TDRD10: variants seen among roughly 807,000 people sequenced by gnomAD.
TDRD10 encodes the protein tudor domain-containing protein 10.
Under a neutral mutation model 48.0 loss-of-function variants are expected in TDRD10, and 40 were observed. That is an observed-to-expected ratio of 0.83 (90% confidence interval 0.65 to 1.09). TDRD10 has a LOEUF of 1.09. TDRD10 is among the 50% of genes least tolerant of loss of function. The pLI is 0.00. For missense variants in TDRD10, 378 were observed against 434.7 expected, an observed-to-expected ratio of 0.87 and a Z score of 1.16; for synonymous variants, 162 against 170.4, an observed-to-expected ratio of 0.95 and a Z score of 0.38.
chr1:154,541,265 GA>G (rs1355803519), intron 6 of TDRD10, among the ~76,000 whole-genome samples: 2 of 147,614 alleles, frequency 1.4e-5, no homozygotes, highest in African/African-American at 4.9e-5. Context: ...GCAGGGGAGG[GA>G]TGGCGGGGAG....
intron 6 of TDRD10, among the ~76,000 whole-genome samples, chr1:154,538,708 C>G (rs1323323268): frequency 1.3e-5 from 2 of 151,780 alleles, no homozygotes; most frequent in African/African-American, 2.4e-5. Context: ...AAAAAATTAG[C>G]CGGGTATAGT....
chr1:154,545,927 ATTTTTT>A (rs559924225), intron 11 of TDRD10, among the ~76,000 whole-genome samples: 5 of 85,496 alleles, frequency 5.8e-5, no homozygotes, highest in African/African-American at 1.0e-4. Flanking sequence ...CACCCAGCTA[ATTTTTT>A]TTTTTTTTTT....
chr1:154,510,008 G>T (rs758598165), intron 4 of TDRD10: 1 of 309,830 alleles, frequency 3.2e-6, no homozygotes. Context: ...TGTCCCCTTC[G>T]CAGAAAGCGG....
In TDRD10 at chr1:154,521,647, G is replaced by A. The variant is rs57763244; in HGVS notation, c.369+168G>A. On this transcript the variant is annotated intron_variant, in intron 6 of 12. Coordinates refer to ENST00000368482, the MANE Select transcript of TDRD10 (RefSeq NM_182499.4). The stretch of plus-strand genomic sequence containing the variant: ...CTTTTATGACCTTTAACAGTCAGAG[G>A]TAAGGTCAGATGTGGAAAACTTGGA... 3.7e-4 allele frequency among the ~76,000 whole-genome samples: 57 copies of A among 152,322 alleles called. No individual in the cohort carries two copies. In the Middle Eastern group the frequency reaches 0.01, roughly 27 times the overall value.
chr1:154,539,231 G>T (rs542599823), intron 6 of TDRD10, among the ~76,000 whole-genome samples: 1 of 152,194 alleles, frequency 6.6e-6, no homozygotes, highest in Non-Finnish European at 1.5e-5. Context: ...GATTCCTGGT[G>T]TAGAAGAGGA....
intron 5 of TDRD10, among the ~76,000 whole-genome samples, chr1:154,520,786 G>A (rs1272391010): frequency 2.0e-5 from 3 of 152,300 alleles, no homozygotes; most frequent in South Asian, 2.1e-4. Context: ...CGCTCAGGCC[G>A]GAGTGCTGTG....
intron 4 of TDRD10, among the ~76,000 whole-genome samples, chr1:154,519,209 C>A (rs1226996444): frequency 6.6e-6 from 1 of 152,164 alleles, no homozygotes; most frequent in Non-Finnish European, 1.5e-5. Flanking sequence ...GCTTGTTCAG[C>A]ATCTTTTAGA....
At chr1:154,522,305 T>C (rs1694100346) in intron 6 of TDRD10, among the ~76,000 whole-genome samples, 1 of 152,170 alleles carries the variant, frequency 6.6e-6, no homozygotes. Flanking sequence ...TGTGTTTCAC[T>C]GGATGTCCCC....
chr1:154,505,412 A>G (rs1261891113), intron 1 of TDRD10, among the ~76,000 whole-genome samples: 1 of 152,180 alleles, frequency 6.6e-6, no homozygotes, highest in Admixed American at 6.5e-5. Flanking sequence ...AACATCCTGT[A>G]TCTCTGATTT....
In TDRD10 at chr1:154,522,557, A is replaced by G. The variant is rs150892362; in HGVS notation, c.369+1078A>G. On this transcript the variant is annotated intron_variant, in intron 6 of 12. Transcript: ENST00000368482. Reference sequence around the variant, plus strand: ...GCACTGGCTCACACCTGTAATCCCAATGCTTTGGGAGACCGAGGCAGGAGG... The same window carrying G: ...GCACTGGCTCACACCTGTAATCCCAGTGCTTTGGGAGACCGAGGCAGGAGG... Among the ~76,000 whole-genome samples, 1,054 of 152,214 alleles carry G rather than the reference A, an allele frequency of 6.9e-3. 12 individuals are homozygous for G. The highest frequency in any genetic ancestry group is 0.024 in the African/African-American group (997 of 41,534).
rs187304234 is a variant in TDRD10, at chr1:154,524,431, T to C, written c.369+2952T>C. ...ATCTGCCCACCTTGGCCTCTCAAAG[T>C]GCTGGGATTATAGCCATGAGCTGAG... On this transcript the variant is annotated intron_variant, in intron 6 of 12. Transcript: ENST00000368482. Among the ~76,000 whole-genome samples the C allele has an allele frequency of 8.5e-5, 13 of 152,326 alleles. 1 individual carries two copies. The East Asian group carries it at 2.5e-3, about 29-fold the overall frequency.
chr1:154,510,978 G>A (rs1298261528), intron 4 of TDRD10, among the ~76,000 whole-genome samples: 4 of 151,700 alleles, frequency 2.6e-5, no homozygotes, highest in Admixed American at 6.6e-5. Context: ...CCCGGGAGGC[G>A]GAGCTTGCAG....
In TDRD10 at chr1:154,547,931, T is replaced by C. The variant is rs1054625797; in HGVS notation, c.*221T>C. The C allele has an allele frequency of 1.7e-5, 10 of 604,344 alleles. No homozygotes were observed. The highest frequency in any genetic ancestry group is 2.9e-5 in the Non-Finnish European group (10 of 343,834). The allele number at this position is 604,344 out of a possible 1,614,324, so 37.4% of individuals were successfully genotyped here. A position where few individuals can be genotyped will look rare whatever the true frequency, so the allele number is the denominator to read the frequency against. On this transcript the variant is annotated 3_prime_UTR_variant, in exon 13 of 13. Coordinates refer to ENST00000368482, the MANE Select transcript of TDRD10 (RefSeq NM_182499.4). ...TCAGTTCCCCAACTTGGCATGAACATTTGAACCAAACATAGGAAACTACCA... is the reference window on the plus strand; with the variant it reads ...TCAGTTCCCCAACTTGGCATGAACACTTGAACCAAACATAGGAAACTACCA...
intron 4 of TDRD10, among the ~76,000 whole-genome samples, chr1:154,510,698 C>T (rs1344143018): frequency 1.3e-5 from 2 of 152,092 alleles, no homozygotes; most frequent in African/African-American, 4.8e-5. Context: ...GTAGAAGACA[C>T]GAGAATCTTG....
chr1:154,547,850 CT>C lies in TDRD10; in HGVS notation c.*144del. Reference sequence around the variant, plus strand: ...TGTGCCCAGGATTGATTCAATTTTGCTTTTACTCCCAGCTTCCCTCTCAAAA... The same window carrying C: ...TGTGCCCAGGATTGATTCAATTTTGCTTTACTCCCAGCTTCCCTCTCAAAA... On this transcript the variant is annotated 3_prime_UTR_variant, in exon 13 of 13. Coordinates refer to ENST00000368482, the MANE Select transcript of TDRD10 (RefSeq NM_182499.4). 1 of 1,001,542 alleles carries C rather than the reference CT, an allele frequency of 1.0e-6. No individual in the cohort carries two copies. The highest frequency in any genetic ancestry group is 1.5e-6 in the Non-Finnish European group (1 of 665,304). 62.0% of individuals were successfully genotyped at this position (1,001,542 alleles called of 1,614,324 possible). A position where few individuals can be genotyped will look rare whatever the true frequency, so the allele number is the denominator to read the frequency against.
In TDRD10 at chr1:154,502,587, G is replaced by C. The variant is rs1053033801; in HGVS notation, c.-470G>C. On this transcript the variant is annotated 5_prime_UTR_variant, in exon 1 of 13. Transcript: ENST00000368482. ...GGGGCGGCGGCCGCACGTGCGGATC[G>C]GCCGCGCCCCACTGAGCAGAGAGCC... 1.3e-5 allele frequency: 2 copies of C among 152,138 alleles called. No individual in the cohort carries two copies. The highest frequency in any genetic ancestry group is 2.9e-5 in the Non-Finnish European group (2 of 68,074). 9.4% of individuals were successfully genotyped at this position (152,138 alleles called of 1,614,324 possible).
chr1:154,520,071 G>A (rs1490298232), intron 4 of TDRD10, among the ~76,000 whole-genome samples: 1 of 152,206 alleles, frequency 6.6e-6, no homozygotes, highest in Admixed American at 6.6e-5. Flanking sequence ...ATGAAACGGT[G>A]TGTTTAGTTA....
intron 6 of TDRD10, among the ~76,000 whole-genome samples, chr1:154,532,738 T>C (rs773539664): frequency 2.1e-3 from 319 of 152,250 alleles, no homozygotes; most frequent in Non-Finnish European, 2.8e-3. Context: ...GACTAGATTT[T>C]GTATACACCT....
At position 154,521,411 on chromosome 1, in the gene TDRD10, T is replaced by C; in HGVS notation, c.301T>C (p.Phe101Leu). ...NGKLFHKRKL[F>L]VNTSKRPPKR... ...TAAACTCTTCCACAAGCGAAAACTG[T>C]TCGTGAATACAAGCAAAAGGCCCCC... The change falls in exon 6 of 13, where the codon TTC becomes CTC. Residue 101 changes from phenylalanine to leucine, a missense_variant. This residue lies in a region of TDRD10 where 310 missense variants were observed against 323.6 expected (regional missense o/e 0.96). Coordinates refer to ENST00000368482, the MANE Select transcript of TDRD10 (RefSeq NM_182499.4). 6.2e-6 allele frequency: 10 copies of C among 1,614,156 alleles called. No homozygotes were observed. Among genetic ancestry groups the C allele is most frequent in the Non-Finnish European group, 8.5e-6 (10 of 1,180,028 alleles).
Sources: gnomAD v4.1 joint callset for allele counts (sites outside exome capture counted in the v4.1 genomes callset) on GRCh38, gnomAD v4.1.1 for gene constraint, gnomAD v4.1.1 regional missense constraint, MANE v1.5 for transcripts, NCBI Gene and HGNC (gene_info 2026-07-23, HGNC 2026-07-21) for gene names.